Variants in ART3 observed in about 807,000 individuals in gnomAD.
The protein encoded by ART3 is ADP-ribosyltransferase 3 (inactive), also known as ecto-ADP-ribosyltransferase 3.
Under a neutral mutation model 48.5 loss-of-function variants are expected in ART3, and 49 were observed. That is an observed-to-expected ratio of 1.01 (90% CI 0.80 to 1.28). The LOEUF is 1.28. Ranked by LOEUF, ART3 falls within the 50% of genes most tolerant of loss-of-function variation. The pLI is 0.00. For synonymous variants in ART3, 145 were observed against 157.2 expected, an observed-to-expected ratio of 0.92 and a Z score of 0.58; for missense variants, 438 against 454.3, an observed-to-expected ratio of 0.96 and a Z score of 0.33.
At chr4:76,083,260 G>C (rs572593707) in intron 3 of ART3, among the ~76,000 whole-genome samples, 5 of 152,234 alleles carry the variant, frequency 3.3e-5, no homozygotes, top group Non-Finnish European at 7.4e-5. Context: ...CCACTCCTCA[G>C]TGGCATCCAG....
intron 3 of ART3, among the ~76,000 whole-genome samples, chr4:76,085,980 GAGA>G (rs1413333455): frequency 6.6e-6 from 1 of 152,022 alleles, no homozygotes; most frequent in African/African-American, 2.4e-5. Flanking sequence ...GCTGAGACAG[GAGA>G]ATTGCTTGAA....
Position 76,025,481 on chromosome 4 carries a change from G to A in ART3, c.-10+14161G>A, listed in dbSNP as rs138672590. On this transcript the variant is annotated intron_variant, in intron 1 of 9. Coordinates refer to the ART3 transcript ENST00000341029. ...AAATATTTGATTTTTACTAAACATT[G>A]TATTACATTAACTGTGTGCCAGGCA... Among the ~76,000 whole-genome samples the A allele has an allele frequency of 3.7e-3, 556 of 152,260 alleles. 3 individuals are homozygous for A. Among genetic ancestry groups the A allele is most frequent in the African/African-American group, 0.013 (538 of 41,552 alleles).
At chr4:76,019,465 A>G (rs1433967939) in intron 1 of ART3, among the ~76,000 whole-genome samples, 1 of 143,572 alleles carries the variant, frequency 7.0e-6, no homozygotes, top group Non-Finnish European at 1.5e-5. Flanking sequence ...AATAAAAAAA[A>G]TTCAATCTGA....
In ART3 at chr4:76,100,815, G is replaced by C. The variant is rs145856579; in HGVS notation, c.898G>C (p.Glu300Gln). The C allele has an allele frequency of 4.0e-5, 64 of 1,612,502 alleles. No homozygotes were observed. The highest frequency in any genetic ancestry group is 5.3e-5 in the Non-Finnish European group (63 of 1,179,760). ...CTCAGGTGAGAAAAACTGGAAGCTT[G>C]AAGACCATGGTAAGACATTTTTTAT... ...EDHSEKNWKL[E>Q]DHGEKNQKLE... is the part of the protein sequence containing the mutation. The change falls in exon 7 of 12, where the codon GAA becomes CAA. Residue 300 changes from glutamate (E) to glutamine (Q), a missense_variant. By Grantham distance (29) the Glu-to-Gln change is conservative. This residue lies in a region of ART3 where 227 missense variants were observed against 229.6 expected (regional missense o/e 0.99). Transcript: ENST00000355810.
intron 1 of ART3, among the ~76,000 whole-genome samples, chr4:76,056,882 G>A (rs1718739896): frequency 6.6e-6 from 1 of 151,956 alleles, no homozygotes. Flanking sequence ...TAATAAGAGG[G>A]GAATCACCTG....
At chr4:76,077,220 A>G (rs1175539548) in intron 2 of ART3, among the ~76,000 whole-genome samples, 1 of 152,092 alleles carries the variant, frequency 6.6e-6, no homozygotes, top group Non-Finnish European at 1.5e-5. Context: ...ACCACTGTCT[A>G]CTTTCTGTGT....
intron 1 of ART3, among the ~76,000 whole-genome samples, chr4:76,042,622 G>A (rs1297509938): frequency 3.9e-5 from 6 of 151,962 alleles, no homozygotes; most frequent in South Asian, 4.2e-4. Flanking sequence ...TTAAGGTGGC[G>A]CGTCTGGAGT....
intron 1 of ART3, among the ~76,000 whole-genome samples, chr4:76,028,389 C>A (rs373684055): frequency 1.4e-4 from 21 of 152,284 alleles, no homozygotes; most frequent in African/African-American, 5.1e-4. Context: ...GGAAGTATCC[C>A]GCTTTAGTTT....
chr4:76,107,500 A>G, intron 10 of ART3: 1 of 277,072 alleles, frequency 3.6e-6, no homozygotes. Flanking sequence ...TAAGTTCAAT[A>G]TGTAGAAAAT....
intron 1 of ART3, among the ~76,000 whole-genome samples, chr4:76,027,790 TA>T (rs1733535503): frequency 7.1e-6 from 1 of 140,544 alleles, no homozygotes; most frequent in African/African-American, 2.7e-5. Flanking sequence ...GGTAGACTCA[TA>T]GGGGTGATAA....
chr4:76,100,579 T>C (rs58699598), intron 6 of ART3, among the ~76,000 whole-genome samples: 5,965 of 141,528 alleles, frequency 0.042, 370 homozygotes, highest in African/African-American at 0.15. Context: ...TGCAGTGAGC[T>C]GAGATCGTGC....
chr4:76,093,402 C>T (rs548459475), intron 3 of ART3, among the ~76,000 whole-genome samples: 4 of 152,248 alleles, frequency 2.6e-5, no homozygotes, highest in African/African-American at 9.6e-5. Flanking sequence ...TGCACTCCAG[C>T]CTAAGTGACA....
chr4:76,084,357 G>A (rs761862921), intron 3 of ART3, among the ~76,000 whole-genome samples: 12 of 152,116 alleles, frequency 7.9e-5, no homozygotes, highest in Non-Finnish European at 1.5e-4. Flanking sequence ...AATTTTCTAA[G>A]TCTCTGCATC....
rs1729127444 is a variant in ART3, at chr4:76,109,758, A to G, written c.1036+1965A>G. On this transcript the variant is annotated intron_variant, in intron 11 of 11. Transcript: ENST00000355810. ...CTGTCATACATGTGGTCTGTCATTGATGGAAACATCATTATGCATTGCACG... is the reference window on the plus strand; with the variant it reads ...CTGTCATACATGTGGTCTGTCATTGGTGGAAACATCATTATGCATTGCACG... 3.3e-5 allele frequency among the ~76,000 whole-genome samples: 5 copies of G among 152,182 alleles called. No individual in the cohort carries two copies. In the South Asian group the frequency reaches 1.0e-3, roughly 31 times the overall value.
At position 76,082,360 on chromosome 4, in the gene ART3, C is replaced by T. The variant is rs1361780379; in HGVS notation, c.606C>T (p.Ser202=). Reference sequence around the variant, plus strand: ...CTAATGACCAGCTCACTGTGTTATCCATCTACACATGCCTTGGAGTTGACA... The same window carrying T: ...CTAATGACCAGCTCACTGTGTTATCTATCTACACATGCCTTGGAGTTGACA... The part of the protein sequence containing the change: ...QAANDQLTVL[S]IYTCLGVDIE... Residue 202 remains serine, a synonymous_variant, in exon 3 of 12, where the codon TCC becomes TCT. Transcript: ENST00000355810. 6.2e-7 allele frequency: 1 copy of T among 1,613,576 alleles called. No homozygotes were observed. Among genetic ancestry groups the T allele is most frequent in the Non-Finnish European group, 8.5e-7 (1 of 1,179,872 alleles).
At chr4:76,028,284 TA>T (rs1733589425) in intron 1 of ART3, among the ~76,000 whole-genome samples, 1 of 152,248 alleles carries the variant, frequency 6.6e-6, no homozygotes, top group Non-Finnish European at 1.5e-5. Flanking sequence ...TAACTCTTTT[TA>T]TATATTTCTC....
At chr4:76,021,792 T>C (rs1028448445) in intron 1 of ART3, 1 of 820,336 alleles carries the variant, frequency 1.2e-6, no homozygotes, top group Non-Finnish European at 2.1e-6. Flanking sequence ...GTGACCATCA[T>C]TGGTCACCTT....
intron 1 of ART3, among the ~76,000 whole-genome samples, chr4:76,045,098 C>T (rs999798517): frequency 4.6e-5 from 7 of 152,096 alleles, no homozygotes; most frequent in African/African-American, 7.2e-5. Context: ...AAGAGGCTTG[C>T]TTTCAAGTGT....
At chr4:76,107,538 T>C in intron 10 of ART3, 1 of 345,842 alleles carries the variant, frequency 2.9e-6, no homozygotes, top group Non-Finnish European at 5.3e-6. Context: ...TTTTAACTTT[T>C]ATTTTTATGT....
Sources: gnomAD v4.1 joint callset for allele counts (sites outside exome capture counted in the v4.1 genomes callset) on GRCh38, gnomAD v4.1.1 for gene constraint, gnomAD v4.1.1 regional missense constraint, MANE v1.5 for transcripts, NCBI Gene and HGNC (gene_info 2026-07-23, HGNC 2026-07-21) for gene names.